APOBEC1: variants seen among roughly 807,000 people sequenced by gnomAD.
The protein encoded by APOBEC1 is C->U-editing enzyme APOBEC-1.
APOBEC1 carries 22 observed loss-of-function variants against 26.3 expected under a neutral mutation model. The observed-to-expected ratio is 0.84, with a 90% confidence interval of 0.60 to 1.19. The LOEUF is 1.19. APOBEC1 is among the 50% of genes most tolerant of loss of function. APOBEC1 has a pLI of 0.00. For missense variants in APOBEC1, 253 were observed against 289.0 expected, an observed-to-expected ratio of 0.88 and a Z score of 0.90; for synonymous variants, 77 against 95.3, an observed-to-expected ratio of 0.81 and a Z score of 1.12.
chr12:7,654,564 T>C (rs1475406259), intron 2 of APOBEC1, 41 bp downstream of exon 2: 1 of 1,606,168 alleles, frequency 6.2e-7, no homozygotes, highest in East Asian at 2.2e-5. Flanking sequence ...CCATTGATTC[T>C]TGATCAAATT....
At position 7,652,738 on chromosome 12, in the gene APOBEC1, G is replaced by T. The variant is rs756281691; in HGVS notation, c.142C>A (p.Arg48=). The change falls in exon 3 of 5, where the codon CGG becomes AGG. Residue 48 remains arginine, a synonymous_variant. Coordinates refer to ENST00000229304, the MANE Select transcript of APOBEC1 (RefSeq NM_001644.5). ...TTGCCTGAGCTTCGCCAGATCTTCC[G>T]GCTCATGCCCCACTTGATTTCGTAG... ...LLYEIKWGMS[R]KIWRSSGKNT... The T allele has an allele frequency of 6.2e-7, 1 of 1,613,956 alleles. No homozygotes were observed. The highest frequency in any genetic ancestry group is 8.5e-7 in the Non-Finnish European group (1 of 1,180,010).
Position 7,656,858 on chromosome 12 carries a change from T to C in APOBEC1, c.17-2226A>G, listed in dbSNP as rs760153526. Among the ~76,000 whole-genome samples, 5 of 152,362 alleles carry C rather than the reference T, an allele frequency of 3.3e-5. No individual in the cohort carries two copies. In the East Asian group the frequency reaches 7.7e-4, roughly 23 times the overall value. On this transcript the variant is annotated intron_variant, in intron 1 of 4. Coordinates refer to ENST00000229304, the MANE Select transcript of APOBEC1 (RefSeq NM_001644.5). Reference sequence around the variant, plus strand: ...GTTAGAAAGATGCCTGTTTTATGTTTATTTCAATGGCATGAACATCATTGA... The same window carrying C: ...GTTAGAAAGATGCCTGTTTTATGTTCATTTCAATGGCATGAACATCATTGA...
At chr12:7,657,361 C>T (rs1863731379) in intron 1 of APOBEC1, among the ~76,000 whole-genome samples, 1 of 152,076 alleles carries the variant, frequency 6.6e-6, no homozygotes, top group Admixed American at 6.6e-5. Flanking sequence ...CTTTTTGCAC[C>T]TTTAAGGCTG....
chr12:7,662,499 C>G lies in APOBEC1; in HGVS notation c.16+3358G>C, dbSNP rs1429092333. ...TCGGGAGGCTGAGGCAGGAGAATCA[C>G]TTGAACCTGGGAGGTGGAGGTTACA... is the stretch of plus-strand genomic sequence containing the variant. On this transcript the variant is annotated intron_variant, in intron 1 of 4. Coordinates refer to ENST00000229304, the MANE Select transcript of APOBEC1 (RefSeq NM_001644.5). 3.9e-5 allele frequency among the ~76,000 whole-genome samples: 6 copies of G among 152,080 alleles called. No homozygotes were observed. The East Asian group carries it at 1.2e-3, about 29-fold the overall frequency.
At chr12:7,653,120 CG>C (rs1863669331) in intron 2 of APOBEC1, among the ~76,000 whole-genome samples, 1 of 151,724 alleles carries the variant, frequency 6.6e-6, no homozygotes, top group Admixed American at 6.6e-5. Context: ...TTAGTAGAGA[CG>C]GGGTTTCACC....
intron 1 of APOBEC1, 53 bp downstream of exon 1, chr12:7,665,787 ACACACACACACACACAC>A: frequency 7.3e-7 from 1 of 1,368,668 alleles, no homozygotes; most frequent in African/African-American, 1.4e-5. Flanking sequence ...ACACACACAC[ACACACACACACACACAC>A]ACCATTCTTG....
At chr12:7,653,072 G>A (rs1863668214) in intron 2 of APOBEC1, among the ~76,000 whole-genome samples, 1 of 150,950 alleles carries the variant, frequency 6.6e-6, no homozygotes, top group Admixed American at 6.7e-5. Context: ...TGGGATTACA[G>A]GCTCCCGCCA....
intron 1 of APOBEC1, among the ~76,000 whole-genome samples, chr12:7,656,723 GT>G: frequency 6.6e-6 from 1 of 152,238 alleles, no homozygotes; most frequent in East Asian, 1.9e-4. Flanking sequence ...ATTCCACAAG[GT>G]TGTCGGAAGA....
chr12:7,650,056 A>G (rs1863618314), intron 4 of APOBEC1, among the ~76,000 whole-genome samples: 1 of 152,088 alleles, frequency 6.6e-6, no homozygotes, highest in Non-Finnish European at 1.5e-5. Context: ...GGCTCAAGCC[A>G]TCCACTCCCC....
intron 1 of APOBEC1, among the ~76,000 whole-genome samples, chr12:7,658,231 C>A (rs970881102): frequency 2.6e-5 from 4 of 151,982 alleles, no homozygotes; most frequent in African/African-American, 9.7e-5. Flanking sequence ...ACCCGGCTAA[C>A]TTTTGTATTT....
chr12:7,663,459 T>G (rs1247007604), intron 1 of APOBEC1, among the ~76,000 whole-genome samples: 1 of 151,990 alleles, frequency 6.6e-6, no homozygotes, highest in African/African-American at 2.4e-5. Context: ...GATTTGAGCA[T>G]TGGGAGGAAG....
At chr12:7,663,121 C>A (rs778919797) in intron 1 of APOBEC1, among the ~76,000 whole-genome samples, 1 of 152,270 alleles carries the variant, frequency 6.6e-6, no homozygotes, top group East Asian at 1.9e-4. Context: ...ACGCTCCTGG[C>A]CAAACCTTAA....
chr12:7,663,230 T>C (rs1217903633), intron 1 of APOBEC1, among the ~76,000 whole-genome samples: 1 of 152,096 alleles, frequency 6.6e-6, no homozygotes, highest in Non-Finnish European at 1.5e-5. Context: ...TGTGTACCTG[T>C]TTGTGTGTGT....
At chr12:7,655,340 A>G (rs1457668397) in intron 1 of APOBEC1, among the ~76,000 whole-genome samples, 1 of 151,038 alleles carries the variant, frequency 6.6e-6, no homozygotes, top group East Asian at 2.0e-4. Flanking sequence ...GAGAAACCGC[A>G]TCTCTACTAA....
intron 1 of APOBEC1, among the ~76,000 whole-genome samples, chr12:7,660,700 C>CT: frequency 9.7e-5 from 1 of 10,360 alleles, no homozygotes; most frequent in Admixed American, 1.1e-3. Context: ...GAGATTCCAT[C>CT]TAAAAAAAAA....
Position 7,651,142 on chromosome 12 carries a change from C to G in APOBEC1, c.443-1G>C. 6.2e-7 allele frequency: 1 copy of G among 1,601,404 alleles called. No homozygotes were observed. Among genetic ancestry groups the G allele is most frequent in the East Asian group, 2.2e-5 (1 of 44,810 alleles). On this transcript the variant is annotated splice_acceptor_variant, in intron 3 of 4. Coordinates refer to ENST00000229304, the MANE Select transcript of APOBEC1 (RefSeq NM_001644.5). LOFTEE classifies it high-confidence loss of function. ...AAATTCCTCCAGCAGTGATAATACT[C>G]TAAGGAAACACAAATCTTGGCTCAT...
intron 1 of APOBEC1, among the ~76,000 whole-genome samples, chr12:7,658,389 G>C (rs1299238300): frequency 6.6e-6 from 1 of 152,092 alleles, no homozygotes; most frequent in Non-Finnish European, 1.5e-5. Context: ...TTTCAGGTTT[G>C]ATAGATGATT....
chr12:7,661,851 G>C (rs2136854858), intron 1 of APOBEC1, among the ~76,000 whole-genome samples: 1 of 152,330 alleles, frequency 6.6e-6, no homozygotes, highest in African/African-American at 2.4e-5. Flanking sequence ...CTAGAATTGA[G>C]AGATGGGAAG....
chr12:7,661,763 C>T (rs969410768), intron 1 of APOBEC1, among the ~76,000 whole-genome samples: 9 of 152,068 alleles, frequency 5.9e-5, no homozygotes, highest in South Asian at 2.1e-4. Context: ...CCCTTTGAAT[C>T]GTGCTAACCT....
Sources: gnomAD v4.1 joint callset for allele counts (sites outside exome capture counted in the v4.1 genomes callset) on GRCh38, gnomAD v4.1.1 for gene constraint, MANE v1.5 for transcripts, NCBI Gene and HGNC (gene_info 2026-07-23, HGNC 2026-07-21) for gene names.